NRXN2: variants seen among roughly 807,000 people sequenced by gnomAD.
The protein encoded by NRXN2 is neurexin 2, also known as neurexin-2-beta.
NRXN2 carries 29 observed loss-of-function variants against 128.8 expected under a neutral mutation model. The ratio of observed to expected loss-of-function variants is 0.23; its 90% CI spans 0.17 to 0.31. NRXN2 has a LOEUF of 0.31. Among genes scored for constraint, NRXN2 ranks in the 10% least tolerant of loss-of-function variants. The pLI, the probability that NRXN2 is intolerant of heterozygous loss-of-function variation, is 1.00. For missense variants in NRXN2, 1,881 were observed against 2,452.6 expected (o/e 0.77, Z 4.92); for synonymous variants, 1,098 against 1,075.2 (o/e 1.02, Z -0.41).
Position 64,713,780 on chromosome 11 carries a change from C to T in NRXN2, c.-81G>A. The T allele has an allele frequency of 1.3e-6, 1 of 798,684 alleles. No individual in the cohort carries two copies. Among genetic ancestry groups the T allele is most frequent in the Non-Finnish European group, 1.5e-6 (1 of 654,672 alleles). The allele number at this position is 798,684 out of a possible 1,614,324, so 49.5% of individuals were successfully genotyped here. A position where few individuals can be genotyped will look rare whatever the true frequency, so the allele number is the denominator to read the frequency against. On this transcript the variant is annotated 5_prime_UTR_variant, in exon 2 of 23. Transcript: ENST00000265459. ...CGCGGGCGCATGGGGCGGGAGGGGG[C>T]CGGGCGCTCCCCGCGCTGAGCGGGG... is the stretch of plus-strand genomic sequence containing the variant.
At chr11:64,663,092 G>T (rs145859556) in intron 9 of NRXN2, among the ~76,000 whole-genome samples, 1 of 152,026 alleles carries the variant, frequency 6.6e-6, no homozygotes, top group Non-Finnish European at 1.5e-5. Flanking sequence ...ACCTGAGGCC[G>T]GGCGCAATGG....
chr11:64,679,115 A>T (rs2051779270), intron 6 of NRXN2, among the ~76,000 whole-genome samples: 1 of 152,226 alleles, frequency 6.6e-6, no homozygotes, highest in African/African-American at 2.4e-5. Flanking sequence ...ACTAGTCAGA[A>T]CAAGGAACAA....
intron 20 of NRXN2, among the ~76,000 whole-genome samples, chr11:64,626,257 C>T (rs2043053024): frequency 6.6e-6 from 1 of 152,008 alleles, no homozygotes; most frequent in South Asian, 2.1e-4. Flanking sequence ...AAGAAAAAAC[C>T]CCACTCCTAC....
intron 7 of NRXN2, among the ~76,000 whole-genome samples, chr11:64,670,239 G>A (rs1255187045): frequency 2.6e-5 from 4 of 152,132 alleles, no homozygotes; most frequent in African/African-American, 9.7e-5. Context: ...TGTCTTTGTG[G>A]AAAGGGGCAG....
chr11:64,710,250 GACAC>G (rs145374338), intron 2 of NRXN2, among the ~76,000 whole-genome samples: 1 of 150,772 alleles, frequency 6.6e-6, no homozygotes, highest in East Asian at 1.9e-4. Context: ...CACACACACA[GACAC>G]ACACACACAC....
intron 9 of NRXN2, among the ~76,000 whole-genome samples, chr11:64,662,290 AGAAGAAGAAAAG>A (rs1454160817): frequency 6.6e-6 from 1 of 151,824 alleles, no homozygotes; most frequent in Admixed American, 6.6e-5. Flanking sequence ...GAGAAGAAGG[AGAAGAAGAAAAG>A]GAAGAGGAGG....
chr11:64,647,236 T>TGC (rs1555044013), intron 17 of NRXN2, among the ~76,000 whole-genome samples: 1 of 148,794 alleles, frequency 6.7e-6, no homozygotes, highest in Non-Finnish European at 1.5e-5. Flanking sequence ...TGTGTGTGTG[T>TGC]GCATGTGTGT....
rs760435612 is a variant in NRXN2, at chr11:64,668,601, T to C, written c.1201A>G (p.Thr401Ala). Residue 401 changes from threonine to alanine, a missense_variant, in exon 8 of 23, where the codon ACC (threonine) becomes GCC (alanine). This residue lies in a region of NRXN2 where 997 missense variants were observed against 1,240.8 expected (regional missense o/e 0.80). Transcript: ENST00000265459. ...AMVNKLHYLV[T>A]ISVDGILTTT... ...GTCAGGATCCCGTCCACCGAGATGG[T>C]CACCTGTCCAGCCCAGGAGGGAGGG... 1 of 1,612,650 alleles carries C rather than the reference T, an allele frequency of 6.2e-7. No individual in the cohort carries two copies. The highest frequency in any genetic ancestry group is 1.1e-5 in the South Asian group (1 of 91,014).
At chr11:64,621,236 G>A (rs545601020) in intron 21 of NRXN2, among the ~76,000 whole-genome samples, 2 of 152,212 alleles carry the variant, frequency 1.3e-5, no homozygotes, top group South Asian at 2.1e-4. Flanking sequence ...TTGCCCCCTC[G>A]GCACCAGCCT....
chr11:64,621,108 G>A (rs991522376), intron 21 of NRXN2, among the ~76,000 whole-genome samples: 9 of 152,088 alleles, frequency 5.9e-5, no homozygotes, highest in Admixed American at 1.3e-4. Flanking sequence ...GGACAAGGAC[G>A]AGCAGGGTTG....
intron 2 of NRXN2, among the ~76,000 whole-genome samples, chr11:64,712,255 TCA>T (rs1345809702): frequency 1.9e-5 from 1 of 51,686 alleles, no homozygotes; most frequent in Non-Finnish European, 4.0e-5. Flanking sequence ...ACTCACCCCC[TCA>T]CAGCCTCACA....
chr11:64,670,004 TC>T (rs1465120228), intron 7 of NRXN2, among the ~76,000 whole-genome samples: 2 of 151,292 alleles, frequency 1.3e-5, no homozygotes, highest in African/African-American at 4.9e-5. Flanking sequence ...CAGCGACTGG[TC>T]TCCAGGGGTC....
rs1188571541 is a variant in NRXN2, at chr11:64,714,479, G to A, written c.-244-536C>T. Among the ~76,000 whole-genome samples the A allele has an allele frequency of 6.6e-6, 1 of 152,042 alleles. No individual in the cohort carries two copies. Among genetic ancestry groups the A allele is most frequent in the African/African-American group, 2.4e-5 (1 of 41,374 alleles). On this transcript the variant is annotated intron_variant, in intron 1 of 22. Transcript: ENST00000265459. The surrounding 1 kb of genome is among the most constrained non-coding windows in gnomAD (Gnocchi z 4.5). ...ATCACAGGGTAACCAGACTGGGAAG[G>A]GGGCAAGGGAGAGAAGCCAGCCAGG...
rs2047046112 is a variant in NRXN2, at chr11:64,648,612, C to T, written c.3283+122G>A. 2 of 1,357,738 alleles carry T rather than the reference C, an allele frequency of 1.5e-6. No homozygotes were observed. Among genetic ancestry groups the T allele is most frequent in the South Asian group, 2.4e-5 (2 of 83,682 alleles). The allele number at this position is 1,357,738 out of a possible 1,614,324, so 84.1% of individuals were successfully genotyped here. A position where few individuals can be genotyped will look rare whatever the true frequency, so the allele number is the denominator to read the frequency against. On this transcript the variant is annotated intron_variant, in intron 16 of 22. Transcript: ENST00000265459. This position sits in a 1 kb window ranked among gnomAD's most constrained non-coding sequence, Gnocchi z 4.1. ...TGCCCCAGAACTGTGGGGGCAAGCT[C>T]CCATAAGGCCTGAGAAGGAAGGCCC...
chr11:64,611,910 C>A (rs1299498982), intron 22 of NRXN2, among the ~76,000 whole-genome samples: 1 of 150,736 alleles, frequency 6.6e-6, no homozygotes, highest in Non-Finnish European at 1.5e-5. Flanking sequence ...CCCCCCCACA[C>A]TGCCATGACT....
At chr11:64,687,913 C>T (rs2053280857) in intron 5 of NRXN2, among the ~76,000 whole-genome samples, 1 of 152,146 alleles carries the variant, frequency 6.6e-6, no homozygotes, top group Non-Finnish European at 1.5e-5. Context: ...AAGCCTGCTG[C>T]CCAGGCACTA....
rs1466752989 is a variant in NRXN2 at position 64,606,941 on chromosome 11, G to C, written c.*255C>G. 1 of 546,478 alleles carries C rather than the reference G, an allele frequency of 1.8e-6. No homozygotes were observed. The highest frequency in any genetic ancestry group is 3.3e-6 in the Non-Finnish European group (1 of 305,502). 33.9% of individuals were successfully genotyped at this position (546,478 alleles called of 1,614,324 possible). On this transcript the variant is annotated 3_prime_UTR_variant, in exon 23 of 23. Coordinates refer to ENST00000265459, the MANE Select transcript of NRXN2 (RefSeq NM_015080.4). ...AAAATAAATCAACCCAGGGCTGTGA[G>C]CACGTGCCCTGCCTGGCAGGCGCAG...
At chr11:64,620,851 T>A (rs1166453323) in intron 21 of NRXN2, among the ~76,000 whole-genome samples, 1 of 151,274 alleles carries the variant, frequency 6.6e-6, no homozygotes. Context: ...CCCCCTTTCC[T>A]GGAGCCTGAG....
chr11:64,706,329 C>G (rs993444448), intron 2 of NRXN2, among the ~76,000 whole-genome samples: 1 of 146,790 alleles, frequency 6.8e-6, no homozygotes, highest in Admixed American at 7.0e-5. Context: ...CCACTCCCCC[C>G]ACCCCACAAC....
Sources: gnomAD v4.1 joint callset for allele counts (sites outside exome capture counted in the v4.1 genomes callset) on GRCh38, gnomAD v4.1.1 for gene constraint, gnomAD v4.1.1 regional missense constraint, Gnocchi (gnomAD v3.1) non-coding constraint, MANE v1.5 for transcripts, NCBI Gene and HGNC (gene_info 2026-07-23, HGNC 2026-07-21) for gene names.